RBFOX1: variants seen among roughly 807,000 people sequenced by gnomAD.
The protein encoded by RBFOX1 is RNA binding fox-1 homolog 1.
In RBFOX1, 8 loss-of-function variants were observed where a neutral mutation model predicts 57.7. That is an observed-to-expected ratio of 0.14 (90% CI 0.08 to 0.25). The LOEUF (loss-of-function observed/expected upper bound fraction) is 0.25, where lower values mean the gene tolerates loss of function less well. Ranked by LOEUF, RBFOX1 falls within the 10% of genes least tolerant of loss-of-function variation. The probability of loss-of-function intolerance (pLI) is 1.00; values close to 1 mark genes in which losing one functional copy is unlikely to be tolerated. For missense variants in RBFOX1, 611 were observed against 548.5 expected (o/e 1.11, Z -1.14); for synonymous variants, 326 against 222.4 (o/e 1.47, Z -4.15).
At chr16:7,374,696 C>G (rs1203099988) in intron 4 of RBFOX1, among the ~76,000 whole-genome samples, 1 of 152,202 alleles carries the variant, frequency 6.6e-6, no homozygotes, top group Non-Finnish European at 1.5e-5. Context: ...AACATTCCCT[C>G]TTTTGTCTTC....
intron 4 of RBFOX1, among the ~76,000 whole-genome samples, chr16:5,995,624 G>C (rs2060477159): frequency 6.6e-6 from 1 of 152,226 alleles, no homozygotes; most frequent in Non-Finnish European, 1.5e-5. Flanking sequence ...AGAATGGACA[G>C]ACAGAAATCC....
At chr16:5,897,396 C>G (rs767169981) in intron 4 of RBFOX1, among the ~76,000 whole-genome samples, 1 of 152,166 alleles carries the variant, frequency 6.6e-6, no homozygotes, top group Non-Finnish European at 1.5e-5. Flanking sequence ...GCATCTTTAT[C>G]CACCCTCCTT....
Position 7,693,220 on chromosome 16 carries a change from C to G in RBFOX1, c.996-15836C>G, listed in dbSNP as rs1474368706. 29 of 980,356 alleles carry G rather than the reference C, an allele frequency of 3.0e-5. No homozygotes were observed. The Admixed American group carries it at 4.8e-4, about 16-fold the overall frequency. 60.7% of individuals were successfully genotyped at this position (980,356 alleles called of 1,614,324 possible). On this transcript the variant is annotated intron_variant, in intron 14 of 15. Transcript: ENST00000550418. ...CGCAACATCCATTCACACGCAGCAC[C>G]CTTCCCTCCCCTCATCTGTACACAT...
At chr16:7,637,567 ATTAAT>A (rs1568218827) in intron 11 of RBFOX1, among the ~76,000 whole-genome samples, 1 of 152,208 alleles carries the variant, frequency 6.6e-6, no homozygotes, top group African/African-American at 2.4e-5. Flanking sequence ...AAGGACCTAA[ATTAAT>A]TTACGGCTTC....
At chr16:6,627,077 G>A (rs1445756191) in intron 2 of RBFOX1, among the ~76,000 whole-genome samples, 1 of 152,200 alleles carries the variant, frequency 6.6e-6, no homozygotes, top group East Asian at 1.9e-4. Flanking sequence ...TGGCGGTCTG[G>A]CTCTAAAATC....
intron 3 of RBFOX1, among the ~76,000 whole-genome samples, chr16:6,757,519 C>T (rs905969572): frequency 1.2e-4 from 18 of 152,042 alleles, no homozygotes; most frequent in Admixed American, 8.5e-4. Flanking sequence ...GGAGGGAGGT[C>T]ATTATGTTAA....
intron 4 of RBFOX1, among the ~76,000 whole-genome samples, chr16:7,169,768 A>C (rs974965096): frequency 5.9e-5 from 9 of 152,162 alleles, no homozygotes; most frequent in African/African-American, 2.2e-4. Flanking sequence ...GGGTATTTTC[A>C]CATTTTAAAA....
At chr16:5,385,522 A>G (rs775763061) in intron 1 of RBFOX1, among the ~76,000 whole-genome samples, 7 of 152,324 alleles carry the variant, frequency 4.6e-5, no homozygotes, top group Non-Finnish European at 5.9e-5. Flanking sequence ...TTCGGGGAGC[A>G]TTCCTCTCAA....
intron 4 of RBFOX1, among the ~76,000 whole-genome samples, chr16:7,257,774 T>C (rs1213628606): frequency 6.6e-6 from 1 of 152,178 alleles, no homozygotes; most frequent in Non-Finnish European, 1.5e-5. Flanking sequence ...CAGATTTGAA[T>C]GGAAGATTTG....
intron 3 of RBFOX1, among the ~76,000 whole-genome samples, chr16:5,640,508 A>C (rs1453876486): frequency 6.7e-6 from 1 of 149,688 alleles, no homozygotes; most frequent in Non-Finnish European, 1.5e-5. Context: ...CCATGCATAT[A>C]CATGCACATA....
chr16:5,884,560 A>G (rs1403076929), intron 4 of RBFOX1, among the ~76,000 whole-genome samples: 1 of 151,674 alleles, frequency 6.6e-6, no homozygotes, highest in Non-Finnish European at 1.5e-5. Flanking sequence ...GTTCTGCCCA[A>G]TGGAAGGTGG....
chr16:7,224,036 TTATG>T (rs2092926182), intron 4 of RBFOX1, among the ~76,000 whole-genome samples: 2 of 150,970 alleles, frequency 1.3e-5, no homozygotes, highest in Non-Finnish European at 2.9e-5. Context: ...TATGTTGTAT[TTATG>T]ACCTTTGGGA....
chr16:7,602,073 G>A lies in RBFOX1; in HGVS notation c.622+4642G>A, dbSNP rs1204119608. Among the ~76,000 whole-genome samples, 13 of 152,270 alleles carry A rather than the reference G, an allele frequency of 8.5e-5. No homozygotes were observed. The South Asian group carries it at 2.5e-3, about 29-fold the overall frequency. ...GTAGCGTACATAAGGGTGCTCTCTG[G>A]AATGCGTTTCTTTGATATGTAACCC... On this transcript the variant is annotated intron_variant, in intron 9 of 15. Coordinates refer to ENST00000550418, the MANE Select transcript of RBFOX1 (RefSeq NM_018723.4).
intron 4 of RBFOX1, among the ~76,000 whole-genome samples, chr16:7,179,302 T>G (rs1164264584): frequency 2.6e-5 from 4 of 152,114 alleles, no homozygotes; most frequent in Non-Finnish European, 5.9e-5. Flanking sequence ...TGTCAAGAGA[T>G]TCTGTGTTCA....
At chr16:6,034,368 G>C (rs370178194) in intron 1 of RBFOX1, among the ~76,000 whole-genome samples, 2 of 117,258 alleles carry the variant, frequency 1.7e-5, no homozygotes, top group African/African-American at 6.7e-5. Context: ...GAAAAGAAAA[G>C]AAAAGAAAGG....
At chr16:7,456,720 G>T (rs191657412) in intron 4 of RBFOX1, among the ~76,000 whole-genome samples, 2 of 152,034 alleles carry the variant, frequency 1.3e-5, no homozygotes, top group Admixed American at 1.3e-4. Context: ...ATGGGTGCCC[G>T]TAGAATCGCC....
chr16:6,982,433 A>C (rs1403106537), intron 3 of RBFOX1, among the ~76,000 whole-genome samples: 2 of 152,138 alleles, frequency 1.3e-5, no homozygotes, highest in Non-Finnish European at 2.9e-5. Flanking sequence ...AGTCATGTCT[A>C]CTTAAGTCCT....
At chr16:6,655,404 G>A (rs923477318) in intron 3 of RBFOX1, among the ~76,000 whole-genome samples, 3,508 of 39,004 alleles carry the variant, frequency 0.09, 145 homozygotes, top group Non-Finnish European at 0.12. Flanking sequence ...AAAAAAAAAA[G>A]AGCTCGCGCT....
At chr16:6,780,410 T>TATATTTA (rs1567216960) in intron 3 of RBFOX1, among the ~76,000 whole-genome samples, 7 of 79,202 alleles carry the variant, frequency 8.8e-5, no homozygotes, top group Non-Finnish European at 1.4e-4. Context: ...TTATATATAT[T>TATATTTA]TATATATATT....
Sources: allele counts gnomAD v4.1 joint callset (sites outside exome capture counted in the v4.1 genomes callset), GRCh38; gene constraint gnomAD v4.1.1; transcripts MANE v1.5; gene names NCBI Gene and HGNC (gene_info 2026-07-23, HGNC 2026-07-21).